USP34: variants seen among roughly 807,000 people sequenced by gnomAD.
The protein encoded by USP34 is ubiquitin specific peptidase 34, also known as ubiquitin carboxyl-terminal hydrolase 34.
USP34 carries 70 observed loss-of-function variants against 460.3 expected under a neutral mutation model. The observed-to-expected ratio is 0.15, with a 90% CI of 0.13 to 0.19. The LOEUF is 0.19. Among genes scored for constraint, USP34 ranks in the 10% least tolerant of loss-of-function variants. The pLI is 1.00. For synonymous variants in USP34, 1,647 were observed against 1,405.3 expected, an observed-to-expected ratio of 1.17 and a Z score of -3.85; for missense variants, 3,985 against 4,236.2, an observed-to-expected ratio of 0.94 and a Z score of 1.65.
intron 21 of USP34, among the ~76,000 whole-genome samples, chr2:61,322,347 G>A (rs1000910987): frequency 1.3e-5 from 2 of 152,198 alleles, no homozygotes; most frequent in Non-Finnish European, 2.9e-5. Context: ...CAGCTAGGGA[G>A]TCAGGCTAAT....
intron 53 of USP34, among the ~76,000 whole-genome samples, chr2:61,240,637 G>T (rs1052956331): frequency 6.1e-5 from 9 of 147,792 alleles, no homozygotes; most frequent in Non-Finnish European, 1.0e-4. Flanking sequence ...ACAGTGGTGT[G>T]ATCTCGGTTC....
intron 29 of USP34, among the ~76,000 whole-genome samples, chr2:61,298,781 A>G (rs1282342018): frequency 6.7e-6 from 1 of 148,500 alleles, no homozygotes; most frequent in African/African-American, 2.5e-5. Context: ...TGATGGATTA[A>G]AAAAAAAAAA....
Position 61,320,140 on chromosome 2 carries a change from C to T in USP34, c.3014-813G>A, listed in dbSNP as rs143198284. Among the ~76,000 whole-genome samples, 452 of 152,256 alleles carry T rather than the reference C, an allele frequency of 3.0e-3. 1 individual carries two copies. Among genetic ancestry groups the T allele is most frequent in the African/African-American group, 9.9e-3 (411 of 41,550 alleles). On this transcript the variant is annotated intron_variant, in intron 21 of 79. Transcript: ENST00000398571. ...CATCATTTATGGCTATGCATTTCTA[C>T]GAATATGATAGAGCTTACAAATTTC...
intron 41 of USP34, among the ~76,000 whole-genome samples, chr2:61,268,470 T>C (rs1433502143): frequency 9.0e-6 from 1 of 110,672 alleles, no homozygotes; most frequent in African/African-American, 3.6e-5. Flanking sequence ...AAAAAAAAAG[T>C]GTTGCACCTC....
chr2:61,204,486 T>G lies in USP34; in HGVS notation c.9259+11A>C. On this transcript the variant is annotated intron_variant, in intron 73 of 79. Transcript: ENST00000398571. ...AACCATATTGAAGTACTGTGCTAGA[T>G]AAATACGTACTTGGTATATTACTGT... is the stretch of plus-strand genomic sequence containing the variant. 6.2e-7 allele frequency: 1 copy of G among 1,613,414 alleles called. No individual in the cohort carries two copies.
intron 1 of USP34, among the ~76,000 whole-genome samples, chr2:61,461,946 A>C (rs529666157): frequency 3.1e-4 from 47 of 152,268 alleles, no homozygotes; most frequent in African/African-American, 1.0e-3. Context: ...TCTTATACAA[A>C]AACATGTTTT....
intron 20 of USP34, among the ~76,000 whole-genome samples, chr2:61,330,379 C>G (rs1450052983): frequency 6.6e-6 from 1 of 152,092 alleles, no homozygotes; most frequent in Non-Finnish European, 1.5e-5. Context: ...AAGTTTTAGG[C>G]AAGTGGGAGG....
At chr2:61,469,473 A>G (rs1442903971) in intron 1 of USP34, among the ~76,000 whole-genome samples, 2 of 152,226 alleles carry the variant, frequency 1.3e-5, no homozygotes, top group Non-Finnish European at 2.9e-5. Flanking sequence ...TGGAACCTCT[A>G]GTTGGAATAT....
At chr2:61,275,245 G>T (rs1689337082) in intron 41 of USP34, among the ~76,000 whole-genome samples, 1 of 152,074 alleles carries the variant, frequency 6.6e-6, no homozygotes, top group Non-Finnish European at 1.5e-5. Flanking sequence ...TGCCACTGAA[G>T]TCCAGCCTGG....
intron 29 of USP34, among the ~76,000 whole-genome samples, chr2:61,298,078 A>G (rs189464193): frequency 2.6e-5 from 4 of 152,310 alleles, no homozygotes; most frequent in East Asian, 1.9e-4. Flanking sequence ...CAAAGTGTGC[A>G]TAAGTATGTT....
intron 29 of USP34, among the ~76,000 whole-genome samples, 182 bp downstream of exon 29, chr2:61,300,769 C>A (rs1572913376): frequency 1.4e-5 from 2 of 146,760 alleles, no homozygotes; most frequent in African/African-American, 5.1e-5. Context: ...GCACTCCAGC[C>A]TGGTCAACAG....
chr2:61,390,822 C>G (rs1025627428), intron 5 of USP34, among the ~76,000 whole-genome samples: 1 of 151,848 alleles, frequency 6.6e-6, no homozygotes, highest in Non-Finnish European at 1.5e-5. Flanking sequence ...ACCAGCCAGG[C>G]GCAGTGGCTC....
At chr2:61,224,751 C>T (rs912229413) in intron 62 of USP34, among the ~76,000 whole-genome samples, 1 of 152,176 alleles carries the variant, frequency 6.6e-6, no homozygotes, top group African/African-American at 2.4e-5. Flanking sequence ...ATTATGAACT[C>T]ATGGATTTAA....
At chr2:61,403,671 C>A (rs939441207) in intron 3 of USP34, among the ~76,000 whole-genome samples, 1 of 151,994 alleles carries the variant, frequency 6.6e-6, no homozygotes, top group African/African-American at 2.4e-5. Context: ...CCACCCAGAG[C>A]AGGAGTGAGT....
intron 51 of USP34, among the ~76,000 whole-genome samples, chr2:61,242,891 G>A (rs966102196): frequency 6.6e-6 from 1 of 151,950 alleles, no homozygotes; most frequent in African/African-American, 2.4e-5. Context: ...TCATCTCCCA[G>A]GCTGGAGTGA....
chr2:61,299,135 T>C (rs1251480756), intron 29 of USP34, among the ~76,000 whole-genome samples: 2 of 152,110 alleles, frequency 1.3e-5, no homozygotes, highest in African/African-American at 2.4e-5. Context: ...TTTAAGAATG[T>C]ACCATCACGT....
At chr2:61,364,438 G>A (rs1692368237) in intron 10 of USP34, among the ~76,000 whole-genome samples, 1 of 152,132 alleles carries the variant, frequency 6.6e-6, no homozygotes, top group South Asian at 2.1e-4. Context: ...TATTTTATAG[G>A]TACAAAGTTG....
chr2:61,241,240 T>G (rs1653553838), intron 53 of USP34, among the ~76,000 whole-genome samples: 1 of 152,034 alleles, frequency 6.6e-6, no homozygotes, highest in Admixed American at 6.6e-5. Context: ...AAACAGAGTT[T>G]CACCATTTGG....
chr2:61,239,170 A>G (rs1688158275), intron 53 of USP34, among the ~76,000 whole-genome samples: 1 of 151,948 alleles, frequency 6.6e-6, no homozygotes, highest in Non-Finnish European at 1.5e-5. Context: ...CTGAGACAAT[A>G]CTGGAATTAG....
Sources: allele counts gnomAD v4.1 joint callset (sites outside exome capture counted in the v4.1 genomes callset), GRCh38; gene constraint gnomAD v4.1.1; transcripts MANE v1.5; gene names NCBI Gene and HGNC (gene_info 2026-07-23, HGNC 2026-07-21).